The following PHGDH variants were observed in gnomAD, a reference collection of about 807,000 sequenced individuals.
PHGDH encodes the protein D-3-phosphoglycerate dehydrogenase.
PHGDH carries 50 observed loss-of-function variants against 52.6 expected under a neutral mutation model. That is an observed-to-expected ratio of 0.95 (90% CI 0.76 to 1.20). The LOEUF (loss-of-function observed/expected upper bound fraction) is 1.20. Among genes scored for constraint, PHGDH ranks in the 50% most tolerant of loss-of-function variants. The probability of loss-of-function intolerance (pLI) is 0.00; values close to 1 mark genes in which losing one functional copy is unlikely to be tolerated. For synonymous variants in PHGDH, 271 were observed against 280.5 expected (o/e 0.97, Z 0.34); for missense variants, 630 against 684.6 (o/e 0.92, Z 0.89).
intron 10 of PHGDH, 72 bp from the exon 11 acceptor site, chr1:119,742,735 A>G (rs1363595354): frequency 2.2e-6 from 2 of 915,062 alleles, no homozygotes; most frequent in Admixed American, 4.0e-5. Flanking sequence ...CCAATGGGTG[A>G]TTTGGCCAAG....
At chr1:119,741,720 A>AG in intron 9 of PHGDH, 47 bp from the exon 10 acceptor site, 1 of 1,587,148 alleles carries the variant, frequency 6.3e-7, no homozygotes, top group Non-Finnish European at 8.7e-7. Flanking sequence ...CCCCTCCTGT[A>AG]GTGCTCAACA....
intron 2 of PHGDH, among the ~76,000 whole-genome samples, chr1:119,722,050 C>T (rs1050619204): frequency 6.6e-6 from 1 of 152,206 alleles, no homozygotes; most frequent in Non-Finnish European, 1.5e-5. Context: ...AAGACCTTTC[C>T]CCTCCCCTGC....
Position 119,727,078 on chromosome 1 carries a change from C to T in PHGDH, c.486C>T (p.Thr162=), listed in dbSNP as rs1054405028. 6.2e-7 allele frequency: 1 copy of T among 1,605,638 alleles called. No homozygotes were observed. The highest frequency in any genetic ancestry group is 1.3e-5 in the African/African-American group (1 of 74,860). The part of the protein sequence containing the change: ...GLGRIGREVA[T]RMQSFGMKTI... The stretch of plus-strand genomic sequence containing the variant: ...GCAGGATTGGGAGAGAGGTAGCTAC[C>T]CGGATGCAGTCCTTTGGGATGAAGG... The change falls in exon 5 of 12, where the codon ACC becomes ACT. Residue 162 remains threonine, a synonymous_variant. Transcript: ENST00000641023.
intron 5 of PHGDH, chr1:119,734,229 C>T: frequency 3.1e-6 from 1 of 324,420 alleles, no homozygotes; most frequent in Non-Finnish European, 6.0e-6. Flanking sequence ...TCCCTGCTTT[C>T]TAAGGACTTC....
chr1:119,725,014 A>G (rs1241052270), intron 3 of PHGDH: 2 of 456,548 alleles, frequency 4.4e-6, no homozygotes, highest in African/African-American at 4.0e-5. Flanking sequence ...ATGTGGGTGG[A>G]GAGCAGGCGT....
intron 8 of PHGDH, 83 bp downstream of exon 8, chr1:119,737,349 G>T (rs757471705): frequency 1.7e-6 from 2 of 1,207,172 alleles, no homozygotes; most frequent in South Asian, 2.7e-5. Flanking sequence ...TGGTGGCAGC[G>T]TGGGTGAATA....
intron 3 of PHGDH, among the ~76,000 whole-genome samples, chr1:119,725,592 A>G (rs920983030): frequency 1.3e-5 from 2 of 152,206 alleles, no homozygotes; most frequent in African/African-American, 2.4e-5. Context: ...GAGTTTACCC[A>G]TAAGATCGTG....
rs151275800 is a variant in PHGDH at position 119,743,997 on chromosome 1, C to A, written c.1559C>A (p.Ala520Glu). Residue 520 changes from alanine to glutamate, a missense_variant, in exon 12 of 12, where the codon GCG (alanine) becomes GAG (glutamate). By Grantham distance (107) the Ala-to-Glu change is moderately radical. Transcript: ENST00000641023. ...TCCTCCTTGCTGCCCAGCCTGGAAGCGTGGAAGCAGCATGTGACTGAAGCC... is the reference window on the plus strand; with the variant it reads ...TCCTCCTTGCTGCCCAGCCTGGAAGAGTGGAAGCAGCATGTGACTGAAGCC... ...GISSLLPSLEAWKQHVTEAFQ... is the reference protein window; with the variant it reads ...GISSLLPSLEEWKQHVTEAFQ... 1,158 of 1,614,092 alleles carry A rather than the reference C, an allele frequency of 7.2e-4. 8 individuals carry two copies. In the Middle Eastern group the frequency reaches 0.013, roughly 18 times the overall value.
intron 9 of PHGDH, among the ~76,000 whole-genome samples, chr1:119,741,346 AGG>A: frequency 6.6e-6 from 1 of 152,208 alleles, no homozygotes; most frequent in Admixed American, 6.5e-5. Context: ...GAAACAAGGC[AGG>A]GAGCTGGGCA....
At chr1:119,722,218 A>C (rs1168657971) in intron 2 of PHGDH, among the ~76,000 whole-genome samples, 1 of 152,122 alleles carries the variant, frequency 6.6e-6, no homozygotes, top group African/African-American at 2.4e-5. Flanking sequence ...GCCCCCATAC[A>C]GCCTGTTTGC....
At chr1:119,735,216 GGGAAGACCT>G in intron 6 of PHGDH, 70 bp from the exon 7 acceptor site, 1 of 1,587,198 alleles carries the variant, frequency 6.3e-7, no homozygotes, top group East Asian at 2.2e-5. Context: ...CTCAAGGAAA[GGGAAGACCT>G]CTGGAAGCCA....
At position 119,734,630 on chromosome 1, in the gene PHGDH, C is replaced by T; in HGVS notation, c.511-4C>T. ...CTTCCTCCCTCTCTCTTGCTTCCAA[C>T]CAGACTATAGGGTATGACCCCATCA... is the stretch of plus-strand genomic sequence containing the variant. On this transcript the variant is annotated splice_region_variant and splice_polypyrimidine_tract_variant and intron_variant, in intron 5 of 11. Coordinates refer to ENST00000641023, the MANE Select transcript of PHGDH (RefSeq NM_006623.4). 6.2e-7 allele frequency: 1 copy of T among 1,613,960 alleles called. No homozygotes were observed. The highest frequency in any genetic ancestry group is 8.5e-7 in the Non-Finnish European group (1 of 1,179,794).
chr1:119,719,354 ACT>A (rs1438317248), intron 1 of PHGDH, among the ~76,000 whole-genome samples: 3 of 152,226 alleles, frequency 2.0e-5, no homozygotes, highest in Non-Finnish European at 4.4e-5. Flanking sequence ...GGCAGGCTTA[ACT>A]TTGTTGGGCT....
At chr1:119,724,836 C>G (rs1275017283) in intron 3 of PHGDH, 1 of 456,618 alleles carries the variant, frequency 2.2e-6, no homozygotes, top group East Asian at 6.9e-5. Flanking sequence ...AAAAGAAGCT[C>G]CCCATTGTCA....
intron 1 of PHGDH, chr1:119,720,885 G>T: frequency 2.3e-6 from 1 of 432,292 alleles, no homozygotes; most frequent in Non-Finnish European, 4.3e-6. Flanking sequence ...GATGAGCCAG[G>T]TGCCCAGAGC....
intron 1 of PHGDH, chr1:119,720,620 A>T (rs992405106): frequency 2.7e-5 from 5 of 186,880 alleles, no homozygotes; most frequent in East Asian, 2.5e-4. Context: ...AAGCTGATTC[A>T]TAGCTTGGAA....
intron 2 of PHGDH, 57 bp downstream of exon 2, chr1:119,721,378 C>T (rs1651159684): frequency 6.4e-7 from 1 of 1,555,900 alleles, no homozygotes; most frequent in East Asian, 2.3e-5. Flanking sequence ...CGGAGACTGA[C>T]CACACCTAGG....
chr1:119,715,839 C>T (rs1051764818), intron 1 of PHGDH: 1 of 152,296 alleles, frequency 6.6e-6, no homozygotes, highest in Non-Finnish European at 1.5e-5. Flanking sequence ...GAGAGACTTG[C>T]TTCCTCACCC....
chr1:119,712,035 A>C lies in PHGDH; in HGVS notation c.13A>C (p.Asn5His). Residue 5 changes from asparagine (N) to histidine (H), a missense_variant, in exon 1 of 12, where the codon AAT becomes CAT. Physicochemically the swap from Asn to His is moderately conservative, Grantham distance 68. Transcript: ENST00000641023. MAFANLRKVLISDSL... is the reference protein window; with the variant it reads MAFAHLRKVLISDSL... ...GCCAACTCCAGCAATGGCTTTTGCA[A>C]ATCTGCGGAAAGTGCTCATCAGTGA... 1 of 1,614,176 alleles carries C rather than the reference A, an allele frequency of 6.2e-7. No individual in the cohort carries two copies. Among genetic ancestry groups the C allele is most frequent in the Non-Finnish European group, 8.5e-7 (1 of 1,180,030 alleles).
Sources: allele counts gnomAD v4.1 joint callset (sites outside exome capture counted in the v4.1 genomes callset), GRCh38; gene constraint gnomAD v4.1.1; transcripts MANE v1.5; gene names NCBI Gene and HGNC (gene_info 2026-07-23, HGNC 2026-07-21).